The following CSMD1 variants were observed in gnomAD, a reference collection of about 807,000 sequenced individuals.
CSMD1 encodes CUB and sushi domain-containing protein 1.
In CSMD1, 213 loss-of-function variants were observed where a neutral mutation model predicts 417.5. The ratio of observed to expected loss-of-function variants is 0.51; its 90% CI spans 0.46 to 0.57. The LOEUF is 0.57. CSMD1 is among the 20% of genes least tolerant of loss of function. The pLI is 0.00. For missense variants in CSMD1, 6,923 were observed against 4,529.7 expected (o/e 1.53, Z -15.17); for synonymous variants, 2,862 against 1,736.8 (o/e 1.65, Z -16.11).
intron 3 of CSMD1, among the ~76,000 whole-genome samples, chr8:4,206,091 T>C (rs980386089): frequency 7.2e-5 from 11 of 152,220 alleles, no homozygotes; most frequent in Middle Eastern, 3.4e-3. Flanking sequence ...AGAAAGTGAG[T>C]AAATAGGATA....
chr8:4,803,749 T>G (rs1000307620), intron 1 of CSMD1, among the ~76,000 whole-genome samples: 1 of 152,216 alleles, frequency 6.6e-6, no homozygotes, highest in African/African-American at 2.4e-5. Context: ...TAATATAATT[T>G]TTTTCAAAGA....
intron 49 of CSMD1, among the ~76,000 whole-genome samples, chr8:3,062,677 GA>G (rs909729036): frequency 4.0e-5 from 6 of 149,742 alleles, no homozygotes; most frequent in Non-Finnish European, 8.9e-5. Flanking sequence ...ACCCAAGGAA[GA>G]AAAAAAAGCA....
At chr8:4,275,186 T>C (rs1203729322) in intron 3 of CSMD1, among the ~76,000 whole-genome samples, 1 of 152,174 alleles carries the variant, frequency 6.6e-6, no homozygotes, top group Non-Finnish European at 1.5e-5. Flanking sequence ...GTTTTTTCTT[T>C]CTAGTTTTTA....
intron 3 of CSMD1, among the ~76,000 whole-genome samples, chr8:4,403,447 T>C (rs987994358): frequency 3.3e-5 from 5 of 152,270 alleles, no homozygotes; most frequent in South Asian, 2.1e-4. Flanking sequence ...CGACTCAAAA[T>C]GTCCTTATCA....
At chr8:4,111,629 T>G (rs1228672324) in intron 3 of CSMD1, among the ~76,000 whole-genome samples, 1 of 152,140 alleles carries the variant, frequency 6.6e-6, no homozygotes, top group East Asian at 1.9e-4. Context: ...GGGACGTGGA[T>G]GGAGTTAGAA....
At chr8:4,004,648 T>C (rs890119681) in intron 4 of CSMD1, among the ~76,000 whole-genome samples, 1 of 152,164 alleles carries the variant, frequency 6.6e-6, no homozygotes, top group African/African-American at 2.4e-5. Flanking sequence ...TTCAATAAAT[T>C]TGTGTATGAA....
At chr8:4,709,904 C>T (rs1288106626) in intron 1 of CSMD1, among the ~76,000 whole-genome samples, 1 of 152,032 alleles carries the variant, frequency 6.6e-6, no homozygotes, top group Admixed American at 6.6e-5. Context: ...TCTGAAATGG[C>T]CCAAGGATTG....
intron 3 of CSMD1, among the ~76,000 whole-genome samples, chr8:4,223,483 T>A (rs556082871): frequency 3.4e-4 from 52 of 152,304 alleles, no homozygotes; most frequent in African/African-American, 1.2e-3. Flanking sequence ...GGAAGGATAA[T>A]TGGTAGAGAT....
intron 5 of CSMD1, among the ~76,000 whole-genome samples, chr8:3,783,364 C>A (rs993564247): frequency 3.9e-5 from 6 of 152,210 alleles, no homozygotes; most frequent in African/African-American, 1.2e-4. Context: ...GAGCAAAGCA[C>A]CAGGAAGCAG....
intron 5 of CSMD1, among the ~76,000 whole-genome samples, chr8:3,881,585 G>C (rs954361079): frequency 2.5e-4 from 37 of 147,660 alleles, no homozygotes; most frequent in African/African-American, 8.5e-4. Flanking sequence ...AGCCTGCCTG[G>C]GTGACAGAGC....
chr8:4,467,570 G>T (rs538343783), intron 2 of CSMD1, among the ~76,000 whole-genome samples: 2 of 152,198 alleles, frequency 1.3e-5, no homozygotes, highest in South Asian at 2.1e-4. Flanking sequence ...GTTATTTTAA[G>T]AAACAAATAT....
chr8:3,773,116 A>G (rs1457342302), intron 5 of CSMD1, among the ~76,000 whole-genome samples: 1 of 152,018 alleles, frequency 6.6e-6, no homozygotes, highest in African/African-American at 2.4e-5. Context: ...TGTCCTCACA[A>G]CCTCATCTCT....
intron 1 of CSMD1, among the ~76,000 whole-genome samples, chr8:4,658,969 G>A (rs1428425816): frequency 1.3e-5 from 2 of 152,128 alleles, no homozygotes; most frequent in Admixed American, 1.3e-4. Flanking sequence ...TGTAATGTCT[G>A]TGGTAACCAC....
intron 3 of CSMD1, among the ~76,000 whole-genome samples, chr8:4,415,107 C>A (rs976489752): frequency 1.7e-4 from 26 of 152,108 alleles, no homozygotes; most frequent in Admixed American, 4.6e-4. Flanking sequence ...TTTTCTATTG[C>A]AAGGATGAAA....
At chr8:3,285,986 C>T (rs547981057) in intron 25 of CSMD1, among the ~76,000 whole-genome samples, 4 of 152,098 alleles carry the variant, frequency 2.6e-5, no homozygotes, top group African/African-American at 9.7e-5. Context: ...CTCCCCACTT[C>T]CCACAACAGG....
At chr8:3,670,716 T>C (rs192502902) in intron 7 of CSMD1, among the ~76,000 whole-genome samples, 56 of 146,592 alleles carry the variant, frequency 3.8e-4, no homozygotes, top group African/African-American at 4.5e-4. Flanking sequence ...TATATATGTA[T>C]ATGGGATATA....
In CSMD1 at chr8:3,971,465, C is replaced by A. The variant is rs186593734; in HGVS notation, c.818+26438G>T. On this transcript the variant is annotated intron_variant, in intron 5 of 69. Coordinates refer to ENST00000635120, the MANE Select transcript of CSMD1 (RefSeq NM_033225.6). ...CTTTGGGATTCGACTAATGCAATTGCAAGTTGACAACTTTAAAAAATCTAT... is the reference window on the plus strand; with the variant it reads ...CTTTGGGATTCGACTAATGCAATTGAAAGTTGACAACTTTAAAAAATCTAT... Among the ~76,000 whole-genome samples, 372 of 152,240 alleles carry A rather than the reference C, an allele frequency of 2.4e-3. 1 individual carries two copies. The highest frequency in any genetic ancestry group is 8.6e-3 in the African/African-American group (359 of 41,538).
chr8:4,615,067 C>A (rs1450694483), intron 2 of CSMD1, among the ~76,000 whole-genome samples: 1 of 152,160 alleles, frequency 6.6e-6, no homozygotes, highest in South Asian at 2.1e-4. Context: ...CTATTTGTCT[C>A]AGATCTACAA....
intron 2 of CSMD1, among the ~76,000 whole-genome samples, chr8:4,442,812 A>T (rs1261657697): frequency 6.6e-6 from 1 of 152,210 alleles, no homozygotes; most frequent in African/African-American, 2.4e-5. Context: ...TTTGATTTCT[A>T]AAACTGAAAT....
Sources: gnomAD v4.1 joint callset for allele counts (sites outside exome capture counted in the v4.1 genomes callset) on GRCh38, gnomAD v4.1.1 for gene constraint, MANE v1.5 for transcripts, NCBI Gene and HGNC (gene_info 2026-07-23, HGNC 2026-07-21) for gene names.